Variants in ROR2 observed in about 807,000 individuals in gnomAD.
The protein encoded by ROR2 is ROR family WNT receptor 2.
In ROR2, 33 loss-of-function variants were observed where a neutral mutation model predicts 74.9. The ratio of observed to expected loss-of-function variants is 0.44; its 90% CI spans 0.33 to 0.59. The LOEUF (loss-of-function observed/expected upper bound fraction) is 0.59. Ranked by LOEUF, ROR2 falls within the 20% of genes least tolerant of loss-of-function variation. The pLI is 0.02. For synonymous variants in ROR2, 586 were observed against 558.7 expected (o/e 1.05, Z -0.69); for missense variants, 1,216 against 1,313.8 (o/e 0.93, Z 1.15).
chr9:91,776,130 G>T (rs957138709), intron 1 of ROR2, among the ~76,000 whole-genome samples: 1 of 152,200 alleles, frequency 6.6e-6, no homozygotes, highest in East Asian at 1.9e-4. Flanking sequence ...AGGAGAGGGA[G>T]AGAAAGAAAC....
intron 4 of ROR2, among the ~76,000 whole-genome samples, chr9:91,743,070 A>G (rs1344634954): frequency 6.6e-6 from 1 of 152,182 alleles, no homozygotes; most frequent in African/African-American, 2.4e-5. Context: ...AGTACACTCT[A>G]TGATGTCCCT....
chr9:91,938,188 C>T (rs1831751667), intron 1 of ROR2, among the ~76,000 whole-genome samples: 1 of 152,224 alleles, frequency 6.6e-6, no homozygotes, highest in South Asian at 2.1e-4. Flanking sequence ...AGGCCAATCA[C>T]AGTGGCACAC....
intron 1 of ROR2, among the ~76,000 whole-genome samples, chr9:91,908,617 A>C (rs1273944103): frequency 6.6e-6 from 1 of 152,350 alleles, no homozygotes; most frequent in African/African-American, 2.4e-5. Context: ...GTGGGAAATA[A>C]ACAATATCAG....
chr9:91,878,510 T>C (rs1489453016), intron 1 of ROR2, among the ~76,000 whole-genome samples: 1 of 152,198 alleles, frequency 6.6e-6, no homozygotes, highest in Non-Finnish European at 1.5e-5. Flanking sequence ...TATTATAAAA[T>C]GTAGTTTCCT....
At position 91,748,770 on chromosome 9, in the gene ROR2, C is replaced by G. The variant is rs569643015; in HGVS notation, c.494+7301G>C. ...CACAGAGGCCGGGCCTGGTGGCTCA[C>G]GCCTGCAATCCCAGCATTTTGGGAG... On this transcript the variant is annotated intron_variant, in intron 4 of 8. Coordinates refer to ENST00000375708, the MANE Select transcript of ROR2 (RefSeq NM_004560.4). Among the ~76,000 whole-genome samples the G allele has an allele frequency of 2.6e-5, 4 of 152,206 alleles. No individual in the cohort carries two copies. In the South Asian group the frequency reaches 8.3e-4, roughly 31 times the overall value.
intron 1 of ROR2, among the ~76,000 whole-genome samples, chr9:91,785,596 G>A (rs903738946): frequency 1.3e-5 from 2 of 152,254 alleles, no homozygotes; most frequent in African/African-American, 4.8e-5. Context: ...TGCACGAGGA[G>A]TCTCTGAGTT....
intron 2 of ROR2, among the ~76,000 whole-genome samples, chr9:91,770,390 A>C (rs1363197483): frequency 1.3e-5 from 2 of 152,212 alleles, no homozygotes; most frequent in Non-Finnish European, 2.9e-5. Context: ...GGCCCACCCC[A>C]GCCTCACTCG....
chr9:91,878,787 A>G (rs1222814187), intron 1 of ROR2, among the ~76,000 whole-genome samples: 1 of 152,212 alleles, frequency 6.6e-6, no homozygotes, highest in Non-Finnish European at 1.5e-5. Context: ...TTTAAGAAAC[A>G]AAGACGGGGG....
chr9:91,932,757 G>A (rs1487837626), intron 1 of ROR2, among the ~76,000 whole-genome samples: 1 of 152,164 alleles, frequency 6.6e-6, no homozygotes, highest in African/African-American at 2.4e-5. Flanking sequence ...TAGAGAAAGT[G>A]AACGCTTATT....
intron 1 of ROR2, among the ~76,000 whole-genome samples, chr9:91,877,461 A>G (rs1363703234): frequency 6.6e-6 from 1 of 152,242 alleles, no homozygotes; most frequent in Admixed American, 6.5e-5. Context: ...TCTTGCGACC[A>G]GAAGAGGATG....
intron 1 of ROR2, among the ~76,000 whole-genome samples, chr9:91,881,798 C>T (rs990116437): frequency 2.0e-5 from 3 of 152,164 alleles, no homozygotes; most frequent in Non-Finnish European, 2.9e-5. Flanking sequence ...GAGAAAAGCC[C>T]GACAGGGGCA....
intron 1 of ROR2, among the ~76,000 whole-genome samples, chr9:91,900,066 A>G (rs1440219105): frequency 1.3e-5 from 2 of 152,214 alleles, no homozygotes; most frequent in East Asian, 3.8e-4. Context: ...CCAGCCTGGA[A>G]CCCACTAGAT....
chr9:91,789,071 T>C (rs1826889664), intron 1 of ROR2, among the ~76,000 whole-genome samples: 1 of 152,160 alleles, frequency 6.6e-6, no homozygotes, highest in African/African-American at 2.4e-5. Flanking sequence ...ATGTAATGTA[T>C]ACTTCACGAT....
chr9:91,810,413 G>A (rs1383139255), intron 1 of ROR2, among the ~76,000 whole-genome samples: 1 of 152,130 alleles, frequency 6.6e-6, no homozygotes, highest in Non-Finnish European at 1.5e-5. Flanking sequence ...ATTGACGGGT[G>A]CGGTTTTGCC....
chr9:91,938,608 C>G (rs887831724), intron 1 of ROR2, among the ~76,000 whole-genome samples: 1 of 151,996 alleles, frequency 6.6e-6, no homozygotes, highest in African/African-American at 2.4e-5. Flanking sequence ...GGCAACAGAG[C>G]AAGACTTCAT....
intron 1 of ROR2, chr9:91,886,629 T>G (rs4744112): frequency 0.49 from 73,859 of 152,142 alleles, 21,175 homozygotes; most frequent in African/African-American, 0.79. Flanking sequence ...AGGGTTAAGC[T>G]ATCCCTGACC....
At chr9:91,789,138 G>C (rs962855341) in intron 1 of ROR2, among the ~76,000 whole-genome samples, 19 of 152,142 alleles carry the variant, frequency 1.2e-4, no homozygotes, top group African/African-American at 4.3e-4. Flanking sequence ...AATGTTTAAA[G>C]TGATGGACAT....
rs1427556608 is a variant in ROR2 at position 91,878,585 on chromosome 9, G to T, written c.97+71282C>A. 2.6e-5 allele frequency among the ~76,000 whole-genome samples: 4 copies of T among 152,194 alleles called. 1 individual carries two copies. In the South Asian group the frequency reaches 6.2e-4, roughly 24 times the overall value. ...GAAGCTCCCCCCTTGCACATCCAGT[G>T]CCTGGCTGGGCTCAAATTGGTCCAG... On this transcript the variant is annotated intron_variant, in intron 1 of 8. Transcript: ENST00000375708.
chr9:91,788,639 C>A (rs1399904805), intron 1 of ROR2, among the ~76,000 whole-genome samples: 1 of 151,988 alleles, frequency 6.6e-6, no homozygotes, highest in Admixed American at 6.6e-5. Context: ...CCGAGGTGGG[C>A]AGATCACCTG....
Sources: gnomAD v4.1 joint callset for allele counts (sites outside exome capture counted in the v4.1 genomes callset) on GRCh38, gnomAD v4.1.1 for gene constraint, MANE v1.5 for transcripts, NCBI Gene and HGNC (gene_info 2026-07-23, HGNC 2026-07-21) for gene names.